Variants in SNTG1 observed in about 807,000 individuals in gnomAD.
SNTG1 encodes gamma-1-syntrophin.
A neutral mutation model predicts 74.7 loss-of-function variants in SNTG1; 39 were observed. The observed-to-expected ratio is 0.52, with a 90% CI of 0.40 to 0.68. The LOEUF is 0.68. Ranked by LOEUF, SNTG1 falls within the 30% of genes least tolerant of loss-of-function variation. SNTG1 has a pLI of 0.00. For synonymous variants in SNTG1, 254 were observed against 217.1 expected (o/e 1.17, Z -1.49); for missense variants, 685 against 609.5 (o/e 1.12, Z -1.30).
intron 8 of SNTG1, among the ~76,000 whole-genome samples, chr8:50,486,096 T>G (rs1443178970): frequency 2.6e-5 from 4 of 152,212 alleles, no homozygotes; most frequent in Non-Finnish European, 5.9e-5. Flanking sequence ...GCCTCCAGCT[T>G]TGTTCTTTTG....
chr8:50,456,237 T>A (rs1379038360), intron 8 of SNTG1, among the ~76,000 whole-genome samples: 1 of 152,220 alleles, frequency 6.6e-6, no homozygotes, highest in Admixed American at 6.5e-5. Flanking sequence ...GACTGCTGAT[T>A]CTTATCAAAT....
intron 18 of SNTG1, among the ~76,000 whole-genome samples, chr8:50,756,889 C>T (rs2095581898): frequency 6.6e-6 from 1 of 151,640 alleles, no homozygotes; most frequent in African/African-American, 2.4e-5. Flanking sequence ...TGAGTCTCCC[C>T]GTCCATGAAT....
intron 4 of SNTG1, among the ~76,000 whole-genome samples, chr8:50,411,667 T>C (rs2092951163): frequency 6.6e-6 from 1 of 151,998 alleles, no homozygotes; most frequent in Non-Finnish European, 1.5e-5. Flanking sequence ...GAAAAGACAG[T>C]GCTGGAAACC....
At chr8:50,326,075 T>C (rs1400850754) in intron 2 of SNTG1, among the ~76,000 whole-genome samples, 1 of 152,094 alleles carries the variant, frequency 6.6e-6, no homozygotes, top group African/African-American at 2.4e-5. Context: ...CTGAAATGAA[T>C]TCCAAGTGGC....
chr8:50,523,389 T>C (rs2094195727), intron 9 of SNTG1, among the ~76,000 whole-genome samples: 1 of 152,240 alleles, frequency 6.6e-6, no homozygotes, highest in South Asian at 2.1e-4. Flanking sequence ...TGGCTTTCAA[T>C]ATGACTTCTT....
chr8:50,131,179 G>C (rs921525146), intron 1 of SNTG1, among the ~76,000 whole-genome samples: 66 of 152,178 alleles, frequency 4.3e-4, no homozygotes, highest in African/African-American at 1.5e-3. Flanking sequence ...ACACATTTAT[G>C]ACAGTGTTTG....
intron 8 of SNTG1, among the ~76,000 whole-genome samples, chr8:50,501,006 T>G (rs986077341): frequency 2.0e-5 from 3 of 152,090 alleles, no homozygotes; most frequent in Non-Finnish European, 4.4e-5. Context: ...TGGGCACGTA[T>G]GAGGAGGTAC....
intron 8 of SNTG1, among the ~76,000 whole-genome samples, chr8:50,475,192 C>T (rs1239216584): frequency 7.3e-5 from 11 of 150,618 alleles, no homozygotes; most frequent in South Asian, 2.1e-4. Context: ...CAAACCTGCA[C>T]GTTGTGCATA....
At chr8:49,954,551 C>A (rs1376546369) in intron 1 of SNTG1, among the ~76,000 whole-genome samples, 1 of 152,084 alleles carries the variant, frequency 6.6e-6, no homozygotes, top group Non-Finnish European at 1.5e-5. Context: ...ATTTTCTCTG[C>A]AGTTTCTTTC....
At chr8:50,125,742 T>C (rs2081117585) in intron 1 of SNTG1, among the ~76,000 whole-genome samples, 1 of 96,796 alleles carries the variant, frequency 1.0e-5, no homozygotes, top group Non-Finnish European at 2.5e-5. Flanking sequence ...GTTTCCTAAG[T>C]GCTTAGTATA....
chr8:50,503,608 A>T (rs751065139), intron 9 of SNTG1, among the ~76,000 whole-genome samples: 4 of 152,158 alleles, frequency 2.6e-5, no homozygotes, highest in Non-Finnish European at 2.9e-5. Context: ...AACTTTACAG[A>T]ATGGAATTAT....
intron 1 of SNTG1, among the ~76,000 whole-genome samples, chr8:50,021,818 G>A (rs1170636301): frequency 2.0e-5 from 3 of 151,712 alleles, no homozygotes; most frequent in Admixed American, 2.0e-4. Flanking sequence ...GCTTGTGCTT[G>A]TAGCCCCAGC....
chr8:50,407,536 T>A (rs2092894304), intron 4 of SNTG1, among the ~76,000 whole-genome samples: 1 of 152,188 alleles, frequency 6.6e-6, no homozygotes, highest in South Asian at 2.1e-4. Flanking sequence ...AGGAAGTTGT[T>A]TATATTTTCA....
In SNTG1 at chr8:50,658,627, A is replaced by G. The variant is rs748933813; in HGVS notation, c.1002A>G (p.Thr334=). Residue 334 remains threonine, a synonymous_variant, in exon 15 of 19, where the codon ACA becomes ACG. Transcript: ENST00000642720. ...GGGACTGGACGAGAGCAGAGAAAAC[A>G]TTCTCAGTTTATGAGATTATGTGCA... ...TTWDWTRAEK[T]FSVYEIMCKI... The G allele has an allele frequency of 6.8e-6, 11 of 1,610,786 alleles. No individual in the cohort carries two copies. The South Asian group carries it at 1.2e-4, about 18-fold the overall frequency.
At chr8:50,085,031 A>G (rs1340259057) in intron 1 of SNTG1, among the ~76,000 whole-genome samples, 2 of 152,242 alleles carry the variant, frequency 1.3e-5, no homozygotes, top group African/African-American at 4.8e-5. Context: ...TTAATGATGA[A>G]CATGTTTGTA....
chr8:50,152,613 ATC>A (rs1278127170), intron 1 of SNTG1, among the ~76,000 whole-genome samples: 1 of 151,926 alleles, frequency 6.6e-6, no homozygotes, highest in Non-Finnish European at 1.5e-5. Context: ...TGGTGAGAAA[ATC>A]TCTCAGCATT....
At chr8:50,224,777 A>C (rs1395646693) in intron 2 of SNTG1, among the ~76,000 whole-genome samples, 1 of 152,086 alleles carries the variant, frequency 6.6e-6, no homozygotes, top group Non-Finnish European at 1.5e-5. Flanking sequence ...AAGACTAACA[A>C]AGCAGACTCT....
chr8:50,249,432 C>T (rs1181220773), intron 2 of SNTG1, among the ~76,000 whole-genome samples: 1 of 152,316 alleles, frequency 6.6e-6, no homozygotes, highest in South Asian at 2.1e-4. Context: ...TTGGGGGCAG[C>T]CCCTGGACTC....
At chr8:50,127,251 GA>G (rs2081173120) in intron 1 of SNTG1, among the ~76,000 whole-genome samples, 1 of 152,078 alleles carries the variant, frequency 6.6e-6, no homozygotes, top group African/African-American at 2.4e-5. Context: ...AGGCACTTTG[GA>G]AGCCATTTAC....
Sources: allele counts gnomAD v4.1 joint callset (sites outside exome capture counted in the v4.1 genomes callset), GRCh38; gene constraint gnomAD v4.1.1; transcripts MANE v1.5; gene names NCBI Gene and HGNC (gene_info 2026-07-23, HGNC 2026-07-21).